Variants in BCOR observed in about 807,000 individuals in gnomAD.
BCOR encodes BCL6 corepressor.
In BCOR, 10 loss-of-function variants were observed where a neutral mutation model predicts 86.7. The observed-to-expected ratio is 0.12, with a 90% CI of 0.07 to 0.20. The LOEUF (loss-of-function observed/expected upper bound fraction) is 0.20. Among genes scored for constraint, BCOR ranks in the 10% least tolerant of loss-of-function variants. The pLI, the probability that BCOR is intolerant of heterozygous loss-of-function variation, is 1.00. For synonymous variants in BCOR, 611 were observed against 609.0 expected, an observed-to-expected ratio of 1.00 and a Z score of -0.05; for missense variants, 1,259 against 1,452.1, an observed-to-expected ratio of 0.87 and a Z score of 2.16.
Position 40,160,130 on chromosome X carries a change from C to G in BCOR, c.-41+16877G>C, listed in dbSNP as rs1247177583. Among the ~76,000 whole-genome samples, 4 of 109,705 alleles carry G rather than the reference C, an allele frequency of 3.6e-5. No homozygotes were observed. The East Asian group carries it at 1.1e-3, about 31-fold the overall frequency. ...GGATTACTTTTTTTTTTTTTTGAGA[C>G]GGAGTCTGGCTCTGTCGCCCAGGCT... On this transcript the variant is annotated intron_variant, in intron 1 of 14. Transcript: ENST00000342274.
chrX:40,062,779 T>C lies in BCOR; in HGVS notation c.4140A>G (p.Thr1380=). Reference sequence around the variant, plus strand: ...CGGCATTCTCCACGTAGTATTCCCCTGTCAGTGGCAATCCCCGCCTGGACT... The same window carrying C: ...CGGCATTCTCCACGTAGTATTCCCCCGTCAGTGGCAATCCCCGCCTGGACT... ...PQESRRGLPL[T]GEYYVENADG... is the part of the protein sequence containing the mutation. Residue 1380 remains threonine, a synonymous_variant, in exon 9 of 15, where the codon ACA becomes ACG. Transcript: ENST00000378444. The C allele has an allele frequency of 3.3e-6, 4 of 1,211,559 alleles. No homozygotes were observed. The highest frequency in any genetic ancestry group is 4.5e-6 in the Non-Finnish European group (4 of 895,346).
chrX:40,071,548 C>T, intron 5 of BCOR, 89 bp downstream of exon 5: 1 of 663,299 alleles, frequency 1.5e-6, no homozygotes, highest in Non-Finnish European at 2.5e-6. Context: ...ACGACCATGG[C>T]CCACAAACTT....
intron 1 of BCOR, among the ~76,000 whole-genome samples, chrX:40,110,474 GA>G (rs1269307448): frequency 1.9e-5 from 2 of 107,917 alleles, no homozygotes; most frequent in Non-Finnish European, 3.8e-5. Flanking sequence ...CCCTATGGGG[GA>G]AAAAAATCTT....
chrX:40,156,064 A>G (rs1165137695), intron 1 of BCOR, among the ~76,000 whole-genome samples: 1 of 113,515 alleles, frequency 8.8e-6, no homozygotes, highest in Non-Finnish European at 1.9e-5. Context: ...CACACCCTGC[A>G]AAGCCATTCC....
chrX:40,079,808 T>C (rs980774253), intron 1 of BCOR, among the ~76,000 whole-genome samples: 4 of 110,513 alleles, frequency 3.6e-5, no homozygotes, highest in African/African-American at 1.3e-4. Context: ...AGGCCACCAC[T>C]AGGGCTGGGC....
At chrX:40,139,394 C>CATATATAT (rs57283656) in intron 1 of BCOR, among the ~76,000 whole-genome samples, 2 of 4,896 alleles carry the variant, frequency 4.1e-4, no homozygotes, top group Admixed American at 5.7e-3. Context: ...AATATATATA[C>CATATATAT]ATATATATAT....
chrX:40,126,352 C>T (rs1368223679), intron 1 of BCOR, among the ~76,000 whole-genome samples: 3 of 105,748 alleles, frequency 2.8e-5, no homozygotes, highest in Non-Finnish European at 5.8e-5. Flanking sequence ...AGTGAAACCC[C>T]ACTTCTACTA....
intron 1 of BCOR, among the ~76,000 whole-genome samples, chrX:40,121,630 G>A (rs1466697086): frequency 1.8e-5 from 2 of 113,122 alleles, no homozygotes; most frequent in Admixed American, 1.9e-4. Flanking sequence ...TTTAGATGAT[G>A]ACATGTGCCA....
intron 1 of BCOR, among the ~76,000 whole-genome samples, chrX:40,115,339 G>A (rs757087149): frequency 2.2e-4 from 25 of 112,062 alleles, no homozygotes; most frequent in Non-Finnish European, 4.3e-4. Flanking sequence ...CTGGCAACTC[G>A]CCAACTGCAG....
chrX:40,142,390 C>T (rs113128690), intron 1 of BCOR, among the ~76,000 whole-genome samples: 35 of 112,093 alleles, frequency 3.1e-4, no homozygotes, highest in African/African-American at 8.1e-4. Flanking sequence ...TCTTGTTTGC[C>T]GGCTGTCATT....
chrX:40,140,356 C>T (rs192623349), intron 1 of BCOR, among the ~76,000 whole-genome samples: 39 of 109,352 alleles, frequency 3.6e-4, no homozygotes, highest in East Asian at 1.4e-3. Context: ...CCCACCTACT[C>T]GGGAGGCTGA....
At chrX:40,139,467 A>G (rs1307753053) in intron 1 of BCOR, among the ~76,000 whole-genome samples, 3 of 5,709 alleles carry the variant, frequency 5.3e-4, no homozygotes, top group African/African-American at 5.6e-3. Context: ...ATATATATAT[A>G]TATATATATA....
At chrX:40,060,169 G>C (rs1934800438) in intron 10 of BCOR, among the ~76,000 whole-genome samples, 1 of 112,441 alleles carries the variant, frequency 8.9e-6, no homozygotes, top group Admixed American at 9.4e-5. Flanking sequence ...TGCCACATCT[G>C]AATGGACTAT....
intron 14 of BCOR, among the ~76,000 whole-genome samples, chrX:40,053,622 C>T (rs1017000290): frequency 2.7e-5 from 3 of 111,733 alleles, no homozygotes; most frequent in Non-Finnish European, 5.7e-5. Context: ...TTCCAGTCAC[C>T]CACTTCTCTG....
At chrX:40,057,468 G>C (rs1172004856) in intron 10 of BCOR, 147 bp from the exon 11 acceptor site, 4 of 593,462 alleles carry the variant, frequency 6.7e-6, no homozygotes, top group Non-Finnish European at 8.2e-6. Context: ...TGGTGAGGGG[G>C]AAACACATGT....
rs1356488222 is a variant in BCOR at position 40,074,221 on chromosome X, T to C, written c.1125A>G (p.Pro375=). The part of the protein sequence containing the change: ...STSPSVALSK[P]YMTVSSEFPA... The stretch of plus-strand genomic sequence containing the variant: ...GGAACTCGCTGCTAACTGTCATGTA[T>C]GGCTTTGACAGGGCAACTGAAGGAG... Residue 375 remains proline (P), a synonymous_variant, in exon 4 of 15, where the codon CCA becomes CCG. Coordinates refer to ENST00000378444, the MANE Select transcript of BCOR (RefSeq NM_001123385.2). 2 of 1,211,080 alleles carry C rather than the reference T, an allele frequency of 1.7e-6. No individual in the cohort carries two copies. The highest frequency in any genetic ancestry group is 2.2e-5 in the Admixed American group (1 of 45,969).
intron 6 of BCOR, among the ~76,000 whole-genome samples, chrX:40,068,856 C>G (rs1333584864): frequency 3.5e-5 from 4 of 112,926 alleles, no homozygotes; most frequent in African/African-American, 1.3e-4. Flanking sequence ...TTTTTTTAAA[C>G]AAGCCCTCCC....
At chrX:40,099,577 A>C (rs970131679), upstream of BCOR, among the ~76,000 whole-genome samples, 3 of 112,259 alleles carry the variant, frequency 2.7e-5, no homozygotes, top group Admixed American at 9.4e-5. Context: ...CCCCATGCCA[A>C]AAATAATCAA....
chrX:40,063,087 GTGACGGGGTGGCGGGCGGAT>G lies in BCOR; in HGVS notation c.3848-36_3848-17del. On this transcript the variant is annotated splice_polypyrimidine_tract_variant and intron_variant, in intron 8 of 14. Transcript: ENST00000378444. ...ACAGGCAAGCCTAAATACGGAGGGGGTGACGGGGTGGCGGGCGGATGGGAGACGGGAGAAGAAGCGGGCGT... is the reference window on the plus strand; with the variant it reads ...ACAGGCAAGCCTAAATACGGAGGGGGGGGAGACGGGAGAAGAAGCGGGCGT... The G allele has an allele frequency of 1.0e-6, 1 of 1,000,748 alleles. No individual in the cohort carries two copies. Among genetic ancestry groups the G allele is most frequent in the African/African-American group, 2.2e-5 (1 of 46,313 alleles). 82.5% of individuals were successfully genotyped at this position (1,000,748 alleles called of 1,213,427 possible). A position where few individuals can be genotyped will look rare whatever the true frequency, so the allele number is the denominator to read the frequency against.
Sources: allele counts gnomAD v4.1 joint callset (sites outside exome capture counted in the v4.1 genomes callset), GRCh38; gene constraint gnomAD v4.1.1; transcripts MANE v1.5; gene names NCBI Gene and HGNC (gene_info 2026-07-23, HGNC 2026-07-21).